The following MARCHF4 variants were observed in gnomAD, a reference collection of about 807,000 sequenced individuals.
MARCHF4 encodes the protein E3 ubiquitin-protein ligase MARCHF4.
Under a neutral mutation model 43.9 loss-of-function variants are expected in MARCHF4, and 14 were observed. The observed-to-expected ratio is 0.32, with a 90% CI of 0.21 to 0.50. MARCHF4 has a LOEUF of 0.50. Among genes scored for constraint, MARCHF4 ranks in the 20% least tolerant of loss-of-function variants. The probability of loss-of-function intolerance (pLI) is 0.98; values close to 1 mark genes in which losing one functional copy is unlikely to be tolerated. For synonymous variants in MARCHF4, 226 were observed against 213.3 expected (o/e 1.06, Z -0.52); for missense variants, 468 against 536.7 (o/e 0.87, Z 1.27).
At chr2:216,275,551 T>C (rs1691005564) in intron 3 of MARCHF4, among the ~76,000 whole-genome samples, 3 of 152,308 alleles carry the variant, frequency 2.0e-5, no homozygotes, top group Non-Finnish European at 4.4e-5. Context: ...ATAAGAACCT[T>C]GAGCAGATTA....
intron 1 of MARCHF4, among the ~76,000 whole-genome samples, chr2:216,361,562 A>G (rs1469198961): frequency 6.6e-6 from 1 of 152,198 alleles, no homozygotes; most frequent in Non-Finnish European, 1.5e-5. Flanking sequence ...GTGCTGCTTA[A>G]TAAAGATCTG....
intron 1 of MARCHF4, among the ~76,000 whole-genome samples, chr2:216,368,164 C>A (rs1428902590): frequency 3.3e-5 from 5 of 152,162 alleles, no homozygotes; most frequent in Non-Finnish European, 5.9e-5. Context: ...AAAAGAAATG[C>A]CTTAGGAATT....
At chr2:216,320,456 G>A (rs945349639) in intron 1 of MARCHF4, among the ~76,000 whole-genome samples, 1 of 152,064 alleles carries the variant, frequency 6.6e-6, no homozygotes, top group Non-Finnish European at 1.5e-5. Flanking sequence ...AGGCTTTGAG[G>A]CATGAAATCA....
chr2:216,351,474 C>T (rs936292254), intron 1 of MARCHF4: 1 of 152,340 alleles, frequency 6.6e-6, no homozygotes, highest in Non-Finnish European at 1.5e-5. Context: ...GTTCCTTTTC[C>T]ACCCCCACTC....
chr2:216,314,628 C>G (rs949070482), intron 1 of MARCHF4, among the ~76,000 whole-genome samples: 3 of 151,948 alleles, frequency 2.0e-5, no homozygotes, highest in Non-Finnish European at 2.9e-5. Flanking sequence ...TGGCCTGTAA[C>G]TACAATTATT....
chr2:216,367,976 G>GT (rs1225561588), intron 1 of MARCHF4, among the ~76,000 whole-genome samples: 1 of 152,090 alleles, frequency 6.6e-6, no homozygotes, highest in Non-Finnish European at 1.5e-5. Flanking sequence ...TCCAAATCAC[G>GT]TAAGTTGGAA....
intron 2 of MARCHF4, 93 bp downstream of exon 2, chr2:216,283,481 G>T (rs943576821): frequency 1.2e-5 from 17 of 1,437,518 alleles, no homozygotes; most frequent in Non-Finnish European, 1.6e-5. Context: ...TCCTCAAACT[G>T]CCCTGAATCT....
intron 1 of MARCHF4, among the ~76,000 whole-genome samples, chr2:216,350,863 G>A (rs1692395909): frequency 6.6e-6 from 1 of 152,114 alleles, no homozygotes; most frequent in Non-Finnish European, 1.5e-5. Context: ...GAGTTCCTAG[G>A]GCTAGCACTA....
At chr2:216,315,713 TAAC>T (rs1326438041) in intron 1 of MARCHF4, among the ~76,000 whole-genome samples, 1 of 152,234 alleles carries the variant, frequency 6.6e-6, no homozygotes. Flanking sequence ...CGTAAAATGT[TAAC>T]AATGGATTTC....
intron 1 of MARCHF4, among the ~76,000 whole-genome samples, chr2:216,322,491 T>C (rs149516002): frequency 1.0e-3 from 152 of 152,356 alleles, no homozygotes; most frequent in Middle Eastern, 6.8e-3. Flanking sequence ...ACACTTTTGC[T>C]GTGGAGGGTC....
chr2:216,329,985 G>A (rs1488024215), intron 1 of MARCHF4, among the ~76,000 whole-genome samples: 5 of 152,054 alleles, frequency 3.3e-5, no homozygotes, highest in African/African-American at 1.2e-4. Flanking sequence ...TTGGGAGGCT[G>A]AGGCAAGAGG....
At chr2:216,354,907 CT>C (rs1171763593) in intron 1 of MARCHF4, among the ~76,000 whole-genome samples, 1 of 68,186 alleles carries the variant, frequency 1.5e-5, no homozygotes, top group Non-Finnish European at 2.7e-5. Context: ...TTCTTTCTTT[CT>C]TTCTTTCTTT....
chr2:216,267,807 A>G (rs1419574984), intron 3 of MARCHF4, among the ~76,000 whole-genome samples: 2 of 152,254 alleles, frequency 1.3e-5, no homozygotes, highest in Non-Finnish European at 2.9e-5. Context: ...ACAGTTCCCA[A>G]GAAATATTCC....
At chr2:216,354,937 TTCTTTCTTTC>T (rs1242600369) in intron 1 of MARCHF4, among the ~76,000 whole-genome samples, 1 of 138,758 alleles carries the variant, frequency 7.2e-6, no homozygotes, top group Admixed American at 7.6e-5. Context: ...CTTTCTTTCT[TTCTTTCTTTC>T]TTTCTTTCTT....
chr2:216,320,667 CTTTCTTTCTTTT>C (rs1372530720), intron 1 of MARCHF4, among the ~76,000 whole-genome samples: 33 of 85,680 alleles, frequency 3.9e-4, no homozygotes, highest in Admixed American at 2.2e-3. Flanking sequence ...TTCTTTCTTT[CTTTCTTTCTTTT>C]TTTTTTTTTG....
In MARCHF4 at chr2:216,326,266, A is replaced by G. The variant is rs1691989661; in HGVS notation, c.517-42537T>C. Among the ~76,000 whole-genome samples, 3 of 152,166 alleles carry G rather than the reference A, an allele frequency of 2.0e-5. No homozygotes were observed. In the East Asian group the frequency reaches 5.8e-4, roughly 29 times the overall value. ...CAAATCAAAACCACAATGAGATACC[A>G]TCTCACACCAGTTAGAATGGCGATC... is the stretch of plus-strand genomic sequence containing the variant. On this transcript the variant is annotated intron_variant, in intron 1 of 3. Transcript: ENST00000273067.
Position 216,262,764 on chromosome 2 carries a change from A to G in MARCHF4, c.866-3085T>C, listed in dbSNP as rs369779368. Among the ~76,000 whole-genome samples, 52 of 152,316 alleles carry G rather than the reference A, an allele frequency of 3.4e-4. No individual in the cohort carries two copies. In the East Asian group the frequency reaches 4.4e-3, roughly 13 times the overall value. On this transcript the variant is annotated intron_variant, in intron 3 of 3. Coordinates refer to ENST00000273067, the MANE Select transcript of MARCHF4 (RefSeq NM_020814.3). Reference sequence around the variant, plus strand: ...ACCAAACATCCCCTTTTTATAACAAATATATTTTAACATCATCATTCCCAT... The same window carrying G: ...ACCAAACATCCCCTTTTTATAACAAGTATATTTTAACATCATCATTCCCAT...
intron 1 of MARCHF4, among the ~76,000 whole-genome samples, chr2:216,368,305 T>A (rs748290078): frequency 1.8e-4 from 28 of 152,148 alleles, no homozygotes; most frequent in Non-Finnish European, 3.5e-4. Context: ...CAGAGCCTGG[T>A]GCTGGAAGTA....
intron 1 of MARCHF4, among the ~76,000 whole-genome samples, chr2:216,363,758 A>T (rs1692624989): frequency 6.6e-6 from 1 of 152,208 alleles, no homozygotes; most frequent in Non-Finnish European, 1.5e-5. Context: ...TTACAATTGC[A>T]GCAACAATGT....
Sources: gnomAD v4.1 joint callset for allele counts (sites outside exome capture counted in the v4.1 genomes callset) on GRCh38, gnomAD v4.1.1 for gene constraint, MANE v1.5 for transcripts, NCBI Gene and HGNC (gene_info 2026-07-23, HGNC 2026-07-21) for gene names.